LEPR: variants seen among roughly 807,000 people sequenced by gnomAD.
LEPR encodes the protein OB receptor.
LEPR carries 56 observed loss-of-function variants against 114.7 expected under a neutral mutation model. That is an observed-to-expected ratio of 0.49 (90% confidence interval 0.39 to 0.61). The LOEUF (loss-of-function observed/expected upper bound fraction) is 0.61. Among genes scored for constraint, LEPR ranks in the 20% least tolerant of loss-of-function variants. The probability of loss-of-function intolerance (pLI) is 0.00; values close to 1 mark genes in which losing one functional copy is unlikely to be tolerated. For synonymous variants in LEPR, 443 were observed against 461.4 expected (o/e 0.96, Z 0.51); for missense variants, 1,202 against 1,352.9 (o/e 0.89, Z 1.75).
At chr1:65,587,877 A>T (rs1285020893) in intron 5 of LEPR, among the ~76,000 whole-genome samples, 1 of 152,060 alleles carries the variant, frequency 6.6e-6, no homozygotes, top group Admixed American at 6.6e-5. Flanking sequence ...GCTCATATAT[A>T]TGCTAGTTTA....
chr1:65,498,744 A>C (rs1314057377), intron 2 of LEPR, among the ~76,000 whole-genome samples: 1 of 152,152 alleles, frequency 6.6e-6, no homozygotes, highest in African/African-American at 2.4e-5. Context: ...CCTTGCAAAG[A>C]CATTGATCAT....
intron 11 of LEPR, among the ~76,000 whole-genome samples, chr1:65,606,809 A>G (rs1369871922): frequency 6.6e-6 from 1 of 152,194 alleles, no homozygotes; most frequent in African/African-American, 2.4e-5. Context: ...TTGGTGGAGA[A>G]TGTCTTTTTG....
At chr1:65,626,168 T>C (rs1658200346) in intron 19 of LEPR, 1 of 1,611,792 alleles carries the variant, frequency 6.2e-7, no homozygotes, top group East Asian at 2.2e-5. Flanking sequence ...TTGGTTGACT[T>C]AGGAAATGCT....
At chr1:65,565,833 CCTCT>C (rs915322111) in intron 3 of LEPR, among the ~76,000 whole-genome samples, 162 of 150,586 alleles carry the variant, frequency 1.1e-3, no homozygotes, top group African/African-American at 3.9e-3. Context: ...CTTCCAGAAT[CCTCT>C]CTCTCTCTCA....
At chr1:65,615,081 C>T (rs979720922) in intron 14 of LEPR, among the ~76,000 whole-genome samples, 2 of 151,996 alleles carry the variant, frequency 1.3e-5, no homozygotes, top group Non-Finnish European at 2.9e-5. Context: ...TTCTTTCTTG[C>T]GGTGGCTGCT....
At chr1:65,487,928 G>C (rs540611123) in intron 2 of LEPR, among the ~76,000 whole-genome samples, 17 of 137,414 alleles carry the variant, frequency 1.2e-4, no homozygotes, top group African/African-American at 4.6e-4. Flanking sequence ...TTTCTTTTCT[G>C]TTTTTCTTTT....
At chr1:65,492,649 G>T (rs1647935209) in intron 2 of LEPR, among the ~76,000 whole-genome samples, 1 of 151,774 alleles carries the variant, frequency 6.6e-6, no homozygotes, top group Admixed American at 6.6e-5. Flanking sequence ...TTCTTTCTAG[G>T]GTTACTTCAT....
chr1:65,580,738 A>G (rs889240576), intron 5 of LEPR, among the ~76,000 whole-genome samples: 2 of 152,176 alleles, frequency 1.3e-5, no homozygotes, highest in African/African-American at 4.8e-5. Flanking sequence ...ACATAACAGC[A>G]AAGTTTGGAA....
At chr1:65,556,534 C>A (rs1028334828) in intron 2 of LEPR, among the ~76,000 whole-genome samples, 4 of 152,124 alleles carry the variant, frequency 2.6e-5, no homozygotes, top group African/African-American at 9.7e-5. Context: ...TGTGCTTCCT[C>A]ATGGCGTTGA....
chr1:65,612,928 A>G (rs780482090), intron 14 of LEPR, among the ~76,000 whole-genome samples: 5 of 151,710 alleles, frequency 3.3e-5, no homozygotes, highest in Non-Finnish European at 5.9e-5. Context: ...TGGCTGAGGT[A>G]GTGTTGTCTG....
chr1:65,472,445 CGT>C (rs1553156054), intron 2 of LEPR, among the ~76,000 whole-genome samples: 1 of 131,794 alleles, frequency 7.6e-6, no homozygotes, highest in Admixed American at 7.4e-5. Context: ...CACACACACA[CGT>C]GTGTATATAT....
intron 5 of LEPR, among the ~76,000 whole-genome samples, chr1:65,587,760 T>C (rs1357140778): frequency 6.6e-6 from 1 of 152,062 alleles, no homozygotes; most frequent in Non-Finnish European, 1.5e-5. Context: ...AGTAAAGTAA[T>C]AATAAATTCT....
intron 2 of LEPR, among the ~76,000 whole-genome samples, chr1:65,442,365 C>A (rs1646660228): frequency 6.6e-6 from 1 of 152,126 alleles, no homozygotes; most frequent in Non-Finnish European, 1.5e-5. Flanking sequence ...ACCTATGACC[C>A]CTCCCCTACT....
intron 1 of LEPR, 27 bp downstream of exon 1, chr1:65,420,767 T>C: frequency 1.3e-6 from 2 of 1,572,368 alleles, no homozygotes; most frequent in Non-Finnish European, 8.6e-7. Flanking sequence ...GGCTCGCTTG[T>C]CGTGTGGTGG....
chr1:65,527,739 T>C (rs1045196547), intron 2 of LEPR, among the ~76,000 whole-genome samples: 3 of 152,198 alleles, frequency 2.0e-5, no homozygotes, highest in Admixed American at 6.5e-5. Flanking sequence ...ACTTTTTGCC[T>C]TTGGGCTGGA....
intron 2 of LEPR, among the ~76,000 whole-genome samples, chr1:65,515,624 C>T (rs985421384): frequency 8.5e-5 from 13 of 152,132 alleles, no homozygotes; most frequent in Non-Finnish European, 1.5e-4. Context: ...TTGTTTTTCT[C>T]AATTTATGGC....
intron 2 of LEPR, among the ~76,000 whole-genome samples, chr1:65,488,159 C>CCTTCCTTTCTTT (rs1249504387): frequency 5.5e-4 from 36 of 65,472 alleles, no homozygotes; most frequent in Non-Finnish European, 6.1e-4. Context: ...TTCCTTCCTT[C>CCTTCCTTTCTTT]CTTTCTTTCT....
chr1:65,581,980 C>T (rs1033992249), intron 5 of LEPR, among the ~76,000 whole-genome samples: 1 of 152,158 alleles, frequency 6.6e-6, no homozygotes, highest in Admixed American at 6.5e-5. Flanking sequence ...TCTTTGAAGT[C>T]CGCCAGATTT....
At chr1:65,621,153 G>C (rs1044641820) in intron 17 of LEPR, among the ~76,000 whole-genome samples, 200 bp from the exon 18 acceptor site, 3 of 152,136 alleles carry the variant, frequency 2.0e-5, no homozygotes, top group Non-Finnish European at 4.4e-5. Context: ...ATTTACAGTA[G>C]ATATGATGCT....
Sources: gnomAD v4.1 joint callset for allele counts (sites outside exome capture counted in the v4.1 genomes callset) on GRCh38, gnomAD v4.1.1 for gene constraint, MANE v1.5 for transcripts, NCBI Gene and HGNC (gene_info 2026-07-23, HGNC 2026-07-21) for gene names.